The following PLOD2 variants were observed in gnomAD, a reference collection of about 807,000 sequenced individuals.
PLOD2 encodes lysine hydroxylase 2.
Under a neutral mutation model 101.0 loss-of-function variants are expected in PLOD2, and 65 were observed. The observed-to-expected ratio is 0.64, with a 90% CI of 0.53 to 0.79. The LOEUF is 0.79. PLOD2 is among the 30% of genes least tolerant of loss of function. The pLI is 0.00. For missense variants in PLOD2, 909 were observed against 914.6 expected (o/e 0.99, Z 0.08); for synonymous variants, 314 against 302.9 (o/e 1.04, Z -0.38).
chr3:146,133,624 G>A (rs2031055611), intron 1 of PLOD2, among the ~76,000 whole-genome samples: 1 of 152,158 alleles, frequency 6.6e-6, no homozygotes, highest in African/African-American at 2.4e-5. Context: ...GAAACAGAGA[G>A]ATGAAATGAA....
intron 1 of PLOD2, among the ~76,000 whole-genome samples, chr3:146,157,052 A>G (rs575369555): frequency 6.6e-6 from 1 of 152,346 alleles, no homozygotes; most frequent in East Asian, 1.9e-4. Flanking sequence ...AAGGCAGCAG[A>G]TATTTCACTT....
At chr3:146,074,534 G>A (rs895387321) in intron 15 of PLOD2, among the ~76,000 whole-genome samples, 9 of 151,312 alleles carry the variant, frequency 5.9e-5, no homozygotes, top group African/African-American at 1.9e-4. Flanking sequence ...TAAATTTCAT[G>A]TTTATATAGT....
chr3:146,102,929 G>GT (rs1210855159), intron 6 of PLOD2, 77 bp from the exon 7 acceptor site: 1 of 751,432 alleles, frequency 1.3e-6, no homozygotes, highest in Non-Finnish European at 2.4e-6. Context: ...GTCTGTGTGT[G>GT]TATGTGTGTG....
At chr3:146,114,082 T>C (rs71300380) in intron 3 of PLOD2, among the ~76,000 whole-genome samples, 4,154 of 152,236 alleles carry the variant, frequency 0.027, 102 homozygotes, top group Non-Finnish European at 0.037. Context: ...AGGAAATTCC[T>C]GCCTAGTAAA....
chr3:146,131,883 T>A (rs1367008100), intron 1 of PLOD2, among the ~76,000 whole-genome samples: 1 of 151,684 alleles, frequency 6.6e-6, no homozygotes, highest in African/African-American at 2.4e-5. Context: ...TTGAAAAAAA[T>A]TCAAGACAAA....
chr3:146,115,972 C>G (rs1251348587), intron 3 of PLOD2, among the ~76,000 whole-genome samples: 1 of 152,106 alleles, frequency 6.6e-6, no homozygotes, highest in Non-Finnish European at 1.5e-5. Flanking sequence ...CAACAAGAAG[C>G]AAAAGCTCCC....
At chr3:146,102,574 CA>C (rs1202385601) in intron 7 of PLOD2, among the ~76,000 whole-genome samples, 180 bp downstream of exon 7, 1 of 152,132 alleles carries the variant, frequency 6.6e-6, no homozygotes, top group Non-Finnish European at 1.5e-5. Flanking sequence ...GAGGAAAAAT[CA>C]GTTTGATTAA....
intron 3 of PLOD2, among the ~76,000 whole-genome samples, chr3:146,116,833 ATTTT>A (rs555034145): frequency 6.6e-6 from 1 of 152,044 alleles, no homozygotes; most frequent in African/African-American, 2.4e-5. Flanking sequence ...AAATATCTAA[ATTTT>A]TTTATCTAAA....
chr3:146,153,171 C>T (rs913913939), intron 1 of PLOD2, among the ~76,000 whole-genome samples: 2 of 152,114 alleles, frequency 1.3e-5, no homozygotes, highest in African/African-American at 4.8e-5. Flanking sequence ...ACCCATCCGC[C>T]CTCTTCATAA....
At chr3:146,160,003 G>A (rs1482667423) in intron 1 of PLOD2, among the ~76,000 whole-genome samples, 1 of 151,916 alleles carries the variant, frequency 6.6e-6, no homozygotes, top group Non-Finnish European at 1.5e-5. Context: ...TATAAACTTG[G>A]GGGAAAAAAT....
At position 146,161,055 on chromosome 3, in the gene PLOD2, G is replaced by A. The variant is rs1370868079; in HGVS notation, c.-66C>T. Reference sequence around the variant, plus strand: ...CCCCGCAGCGCCGCGCTTCTCGCGAGAACGCAGAGACCCGGGTCCGCCCTG... The same window carrying A: ...CCCCGCAGCGCCGCGCTTCTCGCGAAAACGCAGAGACCCGGGTCCGCCCTG... On this transcript the variant is annotated 5_prime_UTR_variant, in exon 1 of 20. Transcript: ENST00000282903. 6 of 1,177,616 alleles carry A rather than the reference G, an allele frequency of 5.1e-6. No homozygotes were observed. Among genetic ancestry groups the A allele is most frequent in the Non-Finnish European group, 7.4e-6 (6 of 812,772 alleles). 72.9% of individuals were successfully genotyped at this position (1,177,616 alleles called of 1,614,324 possible).
chr3:146,096,633 A>G (rs1937170789), intron 7 of PLOD2, among the ~76,000 whole-genome samples: 1 of 105,732 alleles, frequency 9.5e-6, no homozygotes, highest in East Asian at 3.3e-4. Flanking sequence ...AGAAGTGAGG[A>G]AACCCTCTGC....
chr3:146,130,075 T>C (rs898915187), intron 1 of PLOD2, among the ~76,000 whole-genome samples: 2 of 152,174 alleles, frequency 1.3e-5, no homozygotes. Context: ...TTCTCTCCTC[T>C]CCAATCTCAT....
chr3:146,103,602 A>G (rs1212915680), intron 6 of PLOD2, among the ~76,000 whole-genome samples: 1 of 152,002 alleles, frequency 6.6e-6, no homozygotes, highest in East Asian at 1.9e-4. Flanking sequence ...ATAGGCACGC[A>G]CCACCATGCC....
Position 146,161,005 on chromosome 3 carries a change from G to C in PLOD2, c.-16C>G. On this transcript the variant is annotated 5_prime_UTR_variant, in exon 1 of 20. Transcript: ENST00000282903. ...ATCCCCCCATATTCGGCCCTCGAGGGCCGCGCGGGCTCAGGCGCCCACGGC... is the reference window on the plus strand; with the variant it reads ...ATCCCCCCATATTCGGCCCTCGAGGCCCGCGCGGGCTCAGGCGCCCACGGC... The C allele has an allele frequency of 3.3e-6, 5 of 1,525,868 alleles. No homozygotes were observed. Among genetic ancestry groups the C allele is most frequent in the South Asian group, 1.2e-5 (1 of 83,986 alleles). The allele number at this position is 1,525,868 out of a possible 1,614,324, so 94.5% of individuals were successfully genotyped here.
rs373358781 is a variant in PLOD2 at position 146,110,274 on chromosome 3, A to G, written c.502+11T>C. 18 of 1,611,990 alleles carry G rather than the reference A, an allele frequency of 1.1e-5. No individual in the cohort carries two copies. The highest frequency in any genetic ancestry group is 1.4e-5 in the Non-Finnish European group (17 of 1,178,372). ...ACTTGCATTAAACTTTTCTTCCAGTATCTAACTCACCTCCTGAATTCAGAT... is the reference window on the plus strand; with the variant it reads ...ACTTGCATTAAACTTTTCTTCCAGTGTCTAACTCACCTCCTGAATTCAGAT... On this transcript the variant is annotated intron_variant, in intron 4 of 19. Coordinates refer to ENST00000282903, the MANE Select transcript of PLOD2 (RefSeq NM_182943.3).
At chr3:146,122,203 T>A (rs1444109230) in intron 2 of PLOD2, among the ~76,000 whole-genome samples, 1 of 152,222 alleles carries the variant, frequency 6.6e-6, no homozygotes, top group Admixed American at 6.5e-5. Flanking sequence ...TTATAACTTA[T>A]CACTTCCTAT....
intron 12 of PLOD2, among the ~76,000 whole-genome samples, chr3:146,081,109 T>A (rs1422028297): frequency 6.6e-6 from 1 of 152,138 alleles, no homozygotes; most frequent in Non-Finnish European, 1.5e-5. Context: ...GACATTCTTC[T>A]CCAATATTAC....
intron 9 of PLOD2, 54 bp downstream of exon 9, chr3:146,088,532 C>T: frequency 7.8e-7 from 1 of 1,288,524 alleles, no homozygotes; most frequent in Non-Finnish European, 1.1e-6. Flanking sequence ...CAAATAGTTC[C>T]AAAAAAGACC....
Sources: gnomAD v4.1 joint callset for allele counts (sites outside exome capture counted in the v4.1 genomes callset) on GRCh38, gnomAD v4.1.1 for gene constraint, MANE v1.5 for transcripts, NCBI Gene and HGNC (gene_info 2026-07-23, HGNC 2026-07-21) for gene names.